Variants in PDGFA observed in about 807,000 individuals in gnomAD.
The protein encoded by PDGFA is platelet derived growth factor subunit A.
Under a neutral mutation model 25.6 loss-of-function variants are expected in PDGFA, and 9 were observed. The ratio of observed to expected loss-of-function variants is 0.35; its 90% CI spans 0.21 to 0.61. PDGFA has a LOEUF of 0.61. Ranked by LOEUF, PDGFA falls within the 20% of genes least tolerant of loss-of-function variation. The pLI is 0.75. For synonymous variants in PDGFA, 133 were observed against 111.8 expected (o/e 1.19, Z -1.20); for missense variants, 242 against 272.8 (o/e 0.89, Z 0.79).
rs1024342167 is a variant in PDGFA, at chr7:502,624, C to T, written c.454-1382G>A. ...CTGGACTTTGCCTGTCTGCGAGCCA[C>T]GCCTGCCCTCAATTCTCCAGGCACA... On this transcript the variant is annotated intron_variant, in intron 4 of 5. Coordinates refer to ENST00000402802, the Ensembl canonical transcript of PDGFA. Among the ~76,000 whole-genome samples the T allele has an allele frequency of 5.4e-4, 82 of 152,314 alleles. 1 individual carries two copies. Among genetic ancestry groups the T allele is most frequent in the African/African-American group, 1.7e-3 (72 of 41,558 alleles).
Position 508,493 on chromosome 7 carries a change from G to A in PDGFA, c.453+2316C>T, listed in dbSNP as rs370199656. Among the ~76,000 whole-genome samples the A allele has an allele frequency of 1.3e-4, 18 of 142,258 alleles. No individual in the cohort carries two copies. In the East Asian group the frequency reaches 1.3e-3, roughly 10 times the overall value. The allele number at this position is 142,258 out of a possible 152,430, so 93.3% of individuals were successfully genotyped here. On this transcript the variant is annotated intron_variant, in intron 4 of 5. Transcript: ENST00000402802. ...GAGGATAGCTTCAGCCTGGGAGTCC[G>A]AGGCTGCAGCAAACCATGATCGCAC...
chr7:498,942 G>A (rs1046016199), intron 5 of PDGFA, among the ~76,000 whole-genome samples: 2 of 152,182 alleles, frequency 1.3e-5, no homozygotes, highest in Non-Finnish European at 2.9e-5. Flanking sequence ...AGCCACCTTG[G>A]GCCATGAGAC....
chr7:516,800 T>C (rs1250684770), intron 2 of PDGFA, among the ~76,000 whole-genome samples: 2 of 152,150 alleles, frequency 1.3e-5, no homozygotes, highest in Admixed American at 6.5e-5. Flanking sequence ...GCCGCAAAAA[T>C]AGCCCCCAGG....
At chr7:499,487 G>T (rs912367204) in intron 5 of PDGFA, among the ~76,000 whole-genome samples, 1 of 152,172 alleles carries the variant, frequency 6.6e-6, no homozygotes, top group South Asian at 2.1e-4. Context: ...GGCCAGACAG[G>T]GCTCCAACTT....
chr7:510,803 G>A lies in PDGFA; in HGVS notation c.453+6C>T. 2.7e-6 allele frequency: 4 copies of A among 1,462,450 alleles called. No individual in the cohort carries two copies. The highest frequency in any genetic ancestry group is 1.9e-6 in the Non-Finnish European group (2 of 1,080,400). The allele number at this position is 1,462,450 out of a possible 1,614,324, so 90.6% of individuals were successfully genotyped here. On this transcript the variant is annotated splice_donor_region_variant and intron_variant, in intron 4 of 5. Transcript: ENST00000402802. ...GGAGGGGAGGGGAGGGGAGGGGAGG[G>A]CTCACCTTGACGCTGCGGTGGTGGA...
Position 500,466 on chromosome 7 carries a change from C to A in PDGFA, c.580+650G>T, listed in dbSNP as rs570502707. 1 of 1,614,116 alleles carries A rather than the reference C, an allele frequency of 6.2e-7. No homozygotes were observed. The highest frequency in any genetic ancestry group is 2.2e-5 in the East Asian group (1 of 44,888). On this transcript the variant is annotated intron_variant, in intron 5 of 5. Transcript: ENST00000402802. This position sits in a 1 kb window ranked among gnomAD's most constrained non-coding sequence, Gnocchi z 5.0. Reference sequence around the variant, plus strand: ...GCTTTAGGTGGGTTTTAACCTTTTTCTTTTCCGTTTTTTACCTGACTCCCT... The same window carrying A: ...GCTTTAGGTGGGTTTTAACCTTTTTATTTTCCGTTTTTTACCTGACTCCCT...
chr7:512,691 GCA>G, intron 2 of PDGFA: 4 of 1,441,936 alleles, frequency 2.8e-6, no homozygotes, highest in Non-Finnish European at 2.7e-6. Context: ...CGCCCCGTTA[GCA>G]CAGAGGTCCC....
chr7:513,694 A>T (rs772352516), intron 2 of PDGFA, among the ~76,000 whole-genome samples: 2 of 152,166 alleles, frequency 1.3e-5, no homozygotes, highest in Non-Finnish European at 2.9e-5. Context: ...CTAGCAGCCC[A>T]AAGTGTCTCT....
At chr7:498,802 T>A (rs1360680132) in intron 5 of PDGFA, among the ~76,000 whole-genome samples, 1 of 152,216 alleles carries the variant, frequency 6.6e-6, no homozygotes, top group Non-Finnish European at 1.5e-5. Flanking sequence ...ACAGAACATG[T>A]CTAGAGACCA....
intron 2 of PDGFA, among the ~76,000 whole-genome samples, chr7:515,763 T>C (rs1783059162): frequency 1.7e-5 from 2 of 114,896 alleles, no homozygotes; most frequent in East Asian, 5.3e-4. Context: ...AGGGGCATCC[T>C]TGTTTTTTTC....
intron 4 of PDGFA, among the ~76,000 whole-genome samples, chr7:506,877 A>C (rs4074396): frequency 0.24 from 36,475 of 152,092 alleles, 4,797 homozygotes; most frequent in Middle Eastern, 0.31. Flanking sequence ...ATCTTCTAAC[A>C]AGAGACCTCT....
chr7:515,798 C>T (rs915333345), intron 2 of PDGFA, among the ~76,000 whole-genome samples: 1 of 152,200 alleles, frequency 6.6e-6, no homozygotes, highest in Non-Finnish European at 1.5e-5. Flanking sequence ...GACCTAGAAG[C>T]CCCCGGGTGA....
rs1314061570 is a variant in PDGFA at position 517,772 on chromosome 7, G to A, written c.64-282C>T. On this transcript the variant is annotated intron_variant, in intron 1 of 5. Coordinates refer to ENST00000402802, the Ensembl canonical transcript of PDGFA. This position sits in a 1 kb window ranked among gnomAD's most constrained non-coding sequence, Gnocchi z 7.4. ...TTTCAGACAAAAGCCCCCGCACTCC[G>A]GCCCCTCCACCCGGGGTGTCAGTTA... is the stretch of plus-strand genomic sequence containing the variant. 2.9e-5 allele frequency among the ~76,000 whole-genome samples: 4 copies of A among 139,458 alleles called. No homozygotes were observed. The highest frequency in any genetic ancestry group is 6.2e-5 in the Non-Finnish European group (4 of 64,898). 91.5% of individuals were successfully genotyped at this position (139,458 alleles called of 152,430 possible).
chr7:498,338 T>C, exon 6 of PDGFA: 1 of 548,824 alleles, frequency 1.8e-6, no homozygotes, highest in Non-Finnish European at 3.2e-6. Context: ...CTCTCTCTTT[T>C]TGACAAGGAA....
chr7:511,488 T>C (rs1220692835), intron 3 of PDGFA, among the ~76,000 whole-genome samples: 1 of 151,524 alleles, frequency 6.6e-6, no homozygotes, highest in Admixed American at 6.6e-5. Context: ...CCTTCAAAAG[T>C]GGTCTGAAGG....
rs142769197 is a variant in PDGFA at position 514,455 on chromosome 7, C to T, written c.161-2000G>A. ...ACCCTTTGCTCCCAGCTCAAGATGC[C>T]GAGAGTGGACCACGCTCACCAAAGC... is the stretch of plus-strand genomic sequence containing the variant. On this transcript the variant is annotated intron_variant, in intron 2 of 5. Transcript: ENST00000402802. Among the ~76,000 whole-genome samples, 74 of 152,222 alleles carry T rather than the reference C, an allele frequency of 4.9e-4. 1 individual carries two copies. Among genetic ancestry groups the T allele is most frequent in the Non-Finnish European group, 4.4e-4 (30 of 67,980 alleles).
At chr7:518,699 C>T (rs1322934813) in intron 1 of PDGFA, among the ~76,000 whole-genome samples, 1 of 152,204 alleles carries the variant, frequency 6.6e-6, no homozygotes, top group African/African-American at 2.4e-5. Context: ...GAAGTTTCTG[C>T]CCACTCGTCC....
At chr7:499,883 A>G (rs1196880300) in intron 5 of PDGFA, among the ~76,000 whole-genome samples, 1 of 152,012 alleles carries the variant, frequency 6.6e-6, no homozygotes, top group Non-Finnish European at 1.5e-5. Flanking sequence ...CTGCTCTGCA[A>G]TCCCACCCTT....
intron 3 of PDGFA, among the ~76,000 whole-genome samples, chr7:511,243 G>A (rs1169431204): frequency 1.4e-5 from 2 of 148,046 alleles, no homozygotes; most frequent in African/African-American, 5.1e-5. Context: ...TGGGGCCAGT[G>A]GCTCGGAGGG....
Sources: allele counts gnomAD v4.1 joint callset (sites outside exome capture counted in the v4.1 genomes callset), GRCh38; gene constraint gnomAD v4.1.1; non-coding constraint Gnocchi (gnomAD v3.1); transcripts MANE v1.5; gene names NCBI Gene and HGNC (gene_info 2026-07-23, HGNC 2026-07-21).